Variants in SDK1 observed in about 807,000 individuals in gnomAD.
SDK1 encodes the protein protein sidekick-1.
In SDK1, 157 loss-of-function variants were observed where a neutral mutation model predicts 245.5. The observed-to-expected ratio is 0.64, with a 90% CI of 0.56 to 0.73. The LOEUF is 0.73. SDK1 is among the 30% of genes least tolerant of loss of function. The probability of loss-of-function intolerance (pLI) is 0.00; values close to 1 mark genes in which losing one functional copy is unlikely to be tolerated. For synonymous variants in SDK1, 1,647 were observed against 1,278.5 expected, an observed-to-expected ratio of 1.29 and a Z score of -6.15; for missense variants, 3,583 against 3,002.3, an observed-to-expected ratio of 1.19 and a Z score of -4.52.
chr7:3,429,717 C>T (rs1779778447), intron 1 of SDK1, among the ~76,000 whole-genome samples: 1 of 151,818 alleles, frequency 6.6e-6, no homozygotes, highest in Non-Finnish European at 1.5e-5. Context: ...CCGCCTCAGC[C>T]TCCTGAGTAG....
At chr7:3,580,958 G>A (rs1322637389) in intron 1 of SDK1, among the ~76,000 whole-genome samples, 1 of 96,130 alleles carries the variant, frequency 1.0e-5, no homozygotes, top group African/African-American at 4.4e-5. Context: ...TATAGGGCAA[G>A]ACTCCATCTC....
intron 1 of SDK1, among the ~76,000 whole-genome samples, chr7:3,373,643 T>TC (rs1781283268): frequency 6.6e-6 from 1 of 152,018 alleles, no homozygotes; most frequent in African/African-American, 2.4e-5. Flanking sequence ...GTTCTTTTTT[T>TC]TTTTGGATGT....
At chr7:3,350,030 A>G (rs969091248) in intron 1 of SDK1, among the ~76,000 whole-genome samples, 6 of 152,294 alleles carry the variant, frequency 3.9e-5, no homozygotes, top group Admixed American at 6.5e-5. Flanking sequence ...TGCCTCTCAC[A>G]TTTATGCCTG....
chr7:3,422,073 TAAC>T (rs1482235754), intron 1 of SDK1, among the ~76,000 whole-genome samples: 1 of 152,110 alleles, frequency 6.6e-6, no homozygotes, highest in Non-Finnish European at 1.5e-5. Context: ...GAGGCCTTAA[TAAC>T]AACAACAGCA....
chr7:3,688,171 T>C (rs1016631059), intron 4 of SDK1, among the ~76,000 whole-genome samples: 1 of 152,220 alleles, frequency 6.6e-6, no homozygotes, highest in Non-Finnish European at 1.5e-5. Context: ...AAGTTAATTG[T>C]ATCATTACTA....
At chr7:3,541,964 C>G (rs1306365887) in intron 1 of SDK1, among the ~76,000 whole-genome samples, 1 of 152,168 alleles carries the variant, frequency 6.6e-6, no homozygotes, top group Admixed American at 6.5e-5. Flanking sequence ...AATTATAAAA[C>G]TTGTGGGTGC....
chr7:3,460,252 G>A (rs957252360), intron 1 of SDK1, among the ~76,000 whole-genome samples: 1 of 152,130 alleles, frequency 6.6e-6, no homozygotes, highest in Non-Finnish European at 1.5e-5. Flanking sequence ...GCTTGCCATA[G>A]TTGTATTCTG....
At chr7:3,706,967 T>G (rs1277444182) in intron 4 of SDK1, among the ~76,000 whole-genome samples, 1 of 152,234 alleles carries the variant, frequency 6.6e-6, no homozygotes, top group East Asian at 1.9e-4. Context: ...TTAGTCTAGC[T>G]AATGGTCTAT....
intron 1 of SDK1, among the ~76,000 whole-genome samples, chr7:3,492,429 G>T (rs114291438): frequency 0.023 from 3,446 of 152,342 alleles, 146 homozygotes; most frequent in African/African-American, 0.078. Context: ...GCAAGGTGGA[G>T]CTTGCGGTGA....
intron 4 of SDK1, among the ~76,000 whole-genome samples, chr7:3,682,892 C>T: frequency 6.6e-6 from 1 of 152,022 alleles, no homozygotes; most frequent in East Asian, 1.9e-4. Flanking sequence ...GGGCCTGCCA[C>T]CATGCTAATT....
At chr7:4,067,210 G>A (rs572042731) in intron 19 of SDK1, among the ~76,000 whole-genome samples, 1 of 152,330 alleles carries the variant, frequency 6.6e-6, no homozygotes, top group Non-Finnish European at 1.5e-5. Context: ...CAGCTTGGAC[G>A]CCAGCGTTCA....
chr7:3,570,119 C>A (rs1382116950), intron 1 of SDK1, among the ~76,000 whole-genome samples: 1 of 152,188 alleles, frequency 6.6e-6, no homozygotes, highest in Non-Finnish European at 1.5e-5. Flanking sequence ...TTGGTTTGGG[C>A]CAAGCCTTGG....
chr7:3,458,082 T>A (rs1780724461), intron 1 of SDK1, among the ~76,000 whole-genome samples: 2 of 152,190 alleles, frequency 1.3e-5, no homozygotes. Flanking sequence ...TTTGTGTGTG[T>A]GTGTTTTTCC....
chr7:4,022,270 C>G (rs1386656786), intron 17 of SDK1, among the ~76,000 whole-genome samples: 1 of 152,126 alleles, frequency 6.6e-6, no homozygotes, highest in Non-Finnish European at 1.5e-5. Context: ...CAGGAAATGC[C>G]CAGCCAGGAG....
At chr7:3,382,312 A>G (rs991600246) in intron 1 of SDK1, among the ~76,000 whole-genome samples, 3 of 152,036 alleles carry the variant, frequency 2.0e-5, no homozygotes, top group African/African-American at 2.4e-5. Flanking sequence ...GGCTCAAAGA[A>G]CTTAACATGT....
At chr7:3,504,226 A>G (rs771393100) in intron 1 of SDK1, among the ~76,000 whole-genome samples, 8 of 83,012 alleles carry the variant, frequency 9.6e-5, no homozygotes, top group African/African-American at 3.0e-4. Context: ...ATAAAACACA[A>G]TTCATATCAA....
At chr7:3,592,763 C>A (rs1041269598) in intron 1 of SDK1, among the ~76,000 whole-genome samples, 4 of 152,166 alleles carry the variant, frequency 2.6e-5, no homozygotes, top group African/African-American at 9.7e-5. Flanking sequence ...TTTGCTCTAT[C>A]GTAGCTCCAG....
chr7:3,595,947 TG>T (rs1781047288), intron 1 of SDK1, among the ~76,000 whole-genome samples: 1 of 145,242 alleles, frequency 6.9e-6, no homozygotes. Context: ...ACCTGTCTAA[TG>T]GGTATTTTTT....
intron 1 of SDK1, among the ~76,000 whole-genome samples, chr7:3,452,797 G>T (rs887417796): frequency 2.0e-5 from 3 of 152,284 alleles, no homozygotes; most frequent in Non-Finnish European, 2.9e-5. Context: ...CAGAAGTCTT[G>T]CAGGGTGTTG....
Sources: allele counts gnomAD v4.1 joint callset (sites outside exome capture counted in the v4.1 genomes callset), GRCh38; gene constraint gnomAD v4.1.1; transcripts MANE v1.5; gene names NCBI Gene and HGNC (gene_info 2026-07-23, HGNC 2026-07-21).